Variants in PIK3R5 observed in about 807,000 individuals in gnomAD.
PIK3R5 encodes the protein phosphoinositide 3-kinase regulatory subunit 5.
PIK3R5 carries 32 observed loss-of-function variants against 94.9 expected under a neutral mutation model. The ratio of observed to expected loss-of-function variants is 0.34; its 90% confidence interval spans 0.25 to 0.45. The LOEUF is 0.45. PIK3R5 is among the 20% of genes least tolerant of loss of function. PIK3R5 has a pLI of 1.00. For missense variants in PIK3R5, 853 were observed against 1,144.6 expected (o/e 0.75, Z 3.68); for synonymous variants, 443 against 479.4 (o/e 0.92, Z 0.99).
chr17:8,883,189 G>A (rs1353407563), intron 15 of PIK3R5, among the ~76,000 whole-genome samples: 4 of 152,190 alleles, frequency 2.6e-5, no homozygotes, highest in Non-Finnish European at 5.9e-5. Context: ...CCAACGTGGT[G>A]AAACCCCGTC....
rs1178141779 is a variant in PIK3R5, at chr17:8,892,179, C to T, written c.483-1267G>A. 1.3e-5 allele frequency among the ~76,000 whole-genome samples: 2 copies of T among 152,182 alleles called. No individual in the cohort carries two copies. Among genetic ancestry groups the T allele is most frequent in the Non-Finnish European group, 2.9e-5 (2 of 68,038 alleles). ...GCACCACGCAGGGCAGCATTCCCTC[C>T]ACACTCTGGGGACGTCGGTGCCCGG... On this transcript the variant is annotated intron_variant, in intron 6 of 18. Transcript: ENST00000447110. This position sits in a 1 kb window ranked among gnomAD's most constrained non-coding sequence, Gnocchi z 4.3.
chr17:8,886,453 C>G (rs753040473), intron 13 of PIK3R5, 24 bp downstream of exon 13: 1 of 1,594,926 alleles, frequency 6.3e-7, no homozygotes, highest in South Asian at 1.1e-5. Flanking sequence ...GGGGAAGAGG[C>G]GGTTCGGGGC....
Position 8,884,991 on chromosome 17 carries a change from G to C in PIK3R5, c.2129-208C>G. The C allele has an allele frequency of 1.7e-6, 1 of 580,148 alleles. No homozygotes were observed. Among genetic ancestry groups the C allele is most frequent in the Non-Finnish European group, 3.1e-6 (1 of 321,480 alleles). 35.9% of individuals were successfully genotyped at this position (580,148 alleles called of 1,614,324 possible). A position where few individuals can be genotyped will look rare whatever the true frequency, so the allele number is the denominator to read the frequency against. ...CTCCTCAGTGACCCCATCACTCCAG[G>C]GCCCATCTCCGCTGTGATCACACAT... is the stretch of plus-strand genomic sequence containing the variant. On this transcript the variant is annotated intron_variant, in intron 14 of 18. Transcript: ENST00000447110. The surrounding 1 kb of genome is among the most constrained non-coding windows in gnomAD (Gnocchi z 5.8).
chr17:8,888,657 G>T lies in PIK3R5; in HGVS notation c.1130C>A (p.Thr377Asn), dbSNP rs1482654611. The change falls in exon 10 of 19, where the codon ACT becomes AAT. Residue 377 changes from threonine to asparagine, a missense_variant. Coordinates refer to ENST00000447110, the MANE Select transcript of PIK3R5 (RefSeq NM_001142633.3). The surrounding 1 kb of genome is among the most constrained non-coding windows in gnomAD (Gnocchi z 7.8). ...ATCAGAGAGGCCTGAGACAAAGGAA[G>T]TCAGCAGATGGCGCGAGAGGGCCGG... ...SGPALSRHLLTSFVSGLSDGM... is the reference protein window; with the variant it reads ...SGPALSRHLLNSFVSGLSDGM... 2 of 1,613,734 alleles carry T rather than the reference G, an allele frequency of 1.2e-6. No homozygotes were observed. Among genetic ancestry groups the T allele is most frequent in the African/African-American group, 2.7e-5 (2 of 74,956 alleles).
Position 8,923,769 on chromosome 17 carries a change from G to A in PIK3R5, c.-13-12262C>T, listed in dbSNP as rs563545998. Among the ~76,000 whole-genome samples, 9 of 152,218 alleles carry A rather than the reference G, an allele frequency of 5.9e-5. No individual in the cohort carries two copies. In the South Asian group the frequency reaches 1.7e-3, roughly 28 times the overall value. On this transcript the variant is annotated intron_variant, in intron 1 of 18. Coordinates refer to ENST00000447110, the MANE Select transcript of PIK3R5 (RefSeq NM_001142633.3). ...CAGGAGAATAAAGCAGCAAATGAATGTAAATGTAAAAACTCAAGAAAGGCC... is the reference window on the plus strand; with the variant it reads ...CAGGAGAATAAAGCAGCAAATGAATATAAATGTAAAAACTCAAGAAAGGCC...
Position 8,881,550 on chromosome 17 carries a change from C to T in PIK3R5, c.2382+80G>A. ...ACACATGCACACACATACATGTGCA[C>T]ACACACGTACACACATACGCACATG... On this transcript the variant is annotated intron_variant, in intron 17 of 18. Coordinates refer to ENST00000447110, the MANE Select transcript of PIK3R5 (RefSeq NM_001142633.3). The surrounding 1 kb of genome is among the most constrained non-coding windows in gnomAD (Gnocchi z 4.8). 1.9e-6 allele frequency: 2 copies of T among 1,062,444 alleles called. 1 individual carries two copies. Among genetic ancestry groups the T allele is most frequent in the South Asian group, 2.7e-5 (2 of 75,100 alleles). 65.8% of individuals were successfully genotyped at this position (1,062,444 alleles called of 1,614,324 possible). A position where few individuals can be genotyped will look rare whatever the true frequency, so the allele number is the denominator to read the frequency against.
intron 12 of PIK3R5, among the ~76,000 whole-genome samples, chr17:8,886,862 C>A (rs553257145): frequency 6.6e-6 from 1 of 152,098 alleles, no homozygotes; most frequent in African/African-American, 2.4e-5. Context: ...AATCTGAGGT[C>A]CCCCGGACCC....
At chr17:8,898,954 T>G (rs1330265964) in intron 5 of PIK3R5, among the ~76,000 whole-genome samples, 2 of 152,232 alleles carry the variant, frequency 1.3e-5, no homozygotes, top group African/African-American at 4.8e-5. Flanking sequence ...ACAGGCAAGG[T>G]GCAATCCTTG....
At chr17:8,897,234 G>T (rs995430161) in intron 5 of PIK3R5, among the ~76,000 whole-genome samples, 1 of 152,182 alleles carries the variant, frequency 6.6e-6, no homozygotes, top group Non-Finnish European at 1.5e-5. Flanking sequence ...AGGGAGGCTC[G>T]GAATCTCTGG....
intron 1 of PIK3R5, among the ~76,000 whole-genome samples, chr17:8,946,786 T>C (rs2151465593): frequency 6.6e-6 from 1 of 152,210 alleles, no homozygotes; most frequent in East Asian, 1.9e-4. Context: ...TCTCTCTGCC[T>C]GAGTGCTCTT....
At chr17:8,916,082 G>C (rs921020029) in intron 1 of PIK3R5, 1 of 152,310 alleles carries the variant, frequency 6.6e-6, no homozygotes, top group Non-Finnish European at 1.5e-5. Context: ...GCTTTCTCGA[G>C]CTCGCCCCAA....
rs1209999317 is a variant in PIK3R5, at chr17:8,896,491, A to G, written c.413-2836T>C. ...CTGGGTTGTTCCTACGTCAGGCTCT[A>G]GCAAGTAAGAAATTGAGAGAAGTCA... On this transcript the variant is annotated intron_variant, in intron 5 of 18. Transcript: ENST00000447110. The surrounding 1 kb of genome is among the most constrained non-coding windows in gnomAD (Gnocchi z 4.0). 6.6e-6 allele frequency among the ~76,000 whole-genome samples: 1 copy of G among 152,174 alleles called. No homozygotes were observed. Among genetic ancestry groups the G allele is most frequent in the African/African-American group, 2.4e-5 (1 of 41,424 alleles).
At chr17:8,924,585 A>G (rs536317228) in intron 1 of PIK3R5, among the ~76,000 whole-genome samples, 1 of 152,228 alleles carries the variant, frequency 6.6e-6, no homozygotes, top group Non-Finnish European at 1.5e-5. Context: ...AGAGTGATAA[A>G]CCATTTACCA....
At chr17:8,960,989 G>C (rs1255189517) in intron 1 of PIK3R5, among the ~76,000 whole-genome samples, 1 of 152,158 alleles carries the variant, frequency 6.6e-6, no homozygotes, top group Non-Finnish European at 1.5e-5. Context: ...GCAGGCCATA[G>C]CTGTGCCAGG....
chr17:8,928,888 T>C (rs567766160), intron 1 of PIK3R5, among the ~76,000 whole-genome samples: 9 of 152,326 alleles, frequency 5.9e-5, no homozygotes, highest in African/African-American at 1.9e-4. Flanking sequence ...TTCTAAGTTA[T>C]CTTAGATGGC....
At chr17:8,931,134 G>A (rs2090979637) in intron 1 of PIK3R5, among the ~76,000 whole-genome samples, 1 of 152,140 alleles carries the variant, frequency 6.6e-6, no homozygotes, top group Non-Finnish European at 1.5e-5. Context: ...AAACTTAAAA[G>A]CCTTGTACAG....
rs968877810 is a variant in PIK3R5 at position 8,882,187 on chromosome 17, G to C, written c.2206-306C>G. On this transcript the variant is annotated intron_variant, in intron 15 of 18. Transcript: ENST00000447110. The surrounding 1 kb of genome is among the most constrained non-coding windows in gnomAD (Gnocchi z 4.1). ...GCCGGGCCCAGAGTGAAGAAGGGTT[G>C]GGCCCACAGACATGCTGTTTCTGGC... The C allele has an allele frequency of 1.2e-4, 48 of 385,232 alleles. No individual in the cohort carries two copies. The highest frequency in any genetic ancestry group is 6.5e-5 in the South Asian group (2 of 30,846). 23.9% of individuals were successfully genotyped at this position (385,232 alleles called of 1,614,324 possible).
At chr17:8,954,138 G>A (rs1452426778) in intron 1 of PIK3R5, among the ~76,000 whole-genome samples, 5 of 152,146 alleles carry the variant, frequency 3.3e-5, no homozygotes, top group South Asian at 2.1e-4. Flanking sequence ...AAGCTCCCCC[G>A]GCTTGGGAGT....
At chr17:8,926,318 G>A (rs1240059731) in intron 1 of PIK3R5, among the ~76,000 whole-genome samples, 3 of 152,146 alleles carry the variant, frequency 2.0e-5, no homozygotes, top group African/African-American at 7.2e-5. Flanking sequence ...TTGCTCAGAA[G>A]AGCTGGGTTT....
Sources: gnomAD v4.1 joint callset for allele counts (sites outside exome capture counted in the v4.1 genomes callset) on GRCh38, gnomAD v4.1.1 for gene constraint, Gnocchi (gnomAD v3.1) non-coding constraint, MANE v1.5 for transcripts, NCBI Gene and HGNC (gene_info 2026-07-23, HGNC 2026-07-21) for gene names.